The following CCDC171 variants were observed in gnomAD, a reference collection of about 807,000 sequenced individuals.
CCDC171 encodes the protein coiled-coil domain-containing protein 171.
In CCDC171, 177 loss-of-function variants were observed where a neutral mutation model predicts 168.2. The observed-to-expected ratio is 1.05, with a 90% CI of 0.93 to 1.19. The LOEUF (loss-of-function observed/expected upper bound fraction) is 1.19. Ranked by LOEUF, CCDC171 falls within the 50% of genes most tolerant of loss-of-function variation. The probability of loss-of-function intolerance (pLI) is 0.00; values close to 1 mark genes in which losing one functional copy is unlikely to be tolerated. For missense variants in CCDC171, 1,991 were observed against 1,539.0 expected (o/e 1.29, Z -4.91); for synonymous variants, 687 against 540.8 (o/e 1.27, Z -3.75).
chr9:15,668,275 A>G (rs1344980932), intron 9 of CCDC171, among the ~76,000 whole-genome samples: 3 of 152,174 alleles, frequency 2.0e-5, no homozygotes, highest in African/African-American at 2.4e-5. Context: ...GACTGGAGGA[A>G]TTTTAACCTA....
chr9:16,057,343 AG>A, intron 1 of CCDC171, among the ~76,000 whole-genome samples: 1 of 152,366 alleles, frequency 6.6e-6, no homozygotes, highest in South Asian at 2.1e-4. Context: ...TGGAGAAAAC[AG>A]TTTCTGATAA....
chr9:15,658,955 A>G (rs2048127385), intron 8 of CCDC171, among the ~76,000 whole-genome samples: 1 of 152,192 alleles, frequency 6.6e-6, no homozygotes, highest in African/African-American at 2.4e-5. Flanking sequence ...TTAGGTAACT[A>G]ATTTGCAGTG....
the CCDC171 span, among the ~76,000 whole-genome samples, chr9:16,107,511 ATATT>A: frequency 6.6e-6 from 1 of 152,084 alleles, no homozygotes; most frequent in Non-Finnish European, 1.5e-5. Flanking sequence ...ATATTTTACC[ATATT>A]TGCTTTACTG....
intron 24 of CCDC171, among the ~76,000 whole-genome samples, chr9:15,916,784 A>T (rs1473200436): frequency 6.6e-6 from 1 of 152,022 alleles, no homozygotes; most frequent in Non-Finnish European, 1.5e-5. Flanking sequence ...CCCTCGTCTT[A>T]TTACTGTCAA....
At chr9:15,621,328 A>ATATATAT (rs2044487216) in intron 6 of CCDC171, among the ~76,000 whole-genome samples, 2 of 152,214 alleles carry the variant, frequency 1.3e-5, no homozygotes, top group Non-Finnish European at 2.9e-5. Context: ...TTGCACACTT[A>ATATATAT]ATAGATTACA....
At position 15,622,216 on chromosome 9, in the gene CCDC171, A is replaced by G. The variant is rs149368325; in HGVS notation, c.676-1051A>G. Among the ~76,000 whole-genome samples the G allele has an allele frequency of 1.1e-3, 175 of 152,304 alleles. 1 individual carries two copies. The highest frequency in any genetic ancestry group is 3.9e-3 in the Admixed American group (60 of 15,300). The stretch of plus-strand genomic sequence containing the variant: ...GTACCTGGGTGATGAAATAATCTGT[A>G]CAACACATCCCTGTGACATGAGTTT... On this transcript the variant is annotated intron_variant, in intron 6 of 25. Transcript: ENST00000380701.
chr9:16,013,145 T>G (rs546284120), intron 3 of CCDC171, among the ~76,000 whole-genome samples: 1 of 152,340 alleles, frequency 6.6e-6, no homozygotes, highest in East Asian at 1.9e-4. Flanking sequence ...TATACTGTCT[T>G]TCCAGTATTC....
the CCDC171 span, among the ~76,000 whole-genome samples, chr9:16,087,761 G>A: frequency 6.6e-6 from 1 of 151,822 alleles, no homozygotes; most frequent in African/African-American, 2.4e-5. Flanking sequence ...GGTTAATATT[G>A]TTATGTATGG....
At chr9:16,054,533 C>A (rs956134084) in intron 1 of CCDC171, among the ~76,000 whole-genome samples, 2 of 152,182 alleles carry the variant, frequency 1.3e-5, no homozygotes, top group African/African-American at 4.8e-5. Context: ...CCCTGCCTTC[C>A]CCACTAGGAC....
chr9:15,596,419 T>C (rs2042363215), intron 6 of CCDC171, among the ~76,000 whole-genome samples: 1 of 152,198 alleles, frequency 6.6e-6, no homozygotes, highest in Non-Finnish European at 1.5e-5. Context: ...CCCCATTTCT[T>C]GTTTTTGTCA....
chr9:15,837,136 C>G (rs540635562), intron 21 of CCDC171, among the ~76,000 whole-genome samples: 1 of 152,216 alleles, frequency 6.6e-6, no homozygotes, highest in South Asian at 2.1e-4. Context: ...GAAAAAGATT[C>G]TTCCGTGTAT....
chr9:15,627,598 G>T (rs276440), intron 7 of CCDC171, among the ~76,000 whole-genome samples: 8,245 of 152,256 alleles, frequency 0.054, 271 homozygotes, highest in African/African-American at 0.088. Flanking sequence ...TCAGGAGCAG[G>T]TTGTTCAGTT....
chr9:15,578,019 T>G (rs811282), intron 3 of CCDC171, among the ~76,000 whole-genome samples: 9,269 of 152,206 alleles, frequency 0.061, 364 homozygotes, highest in African/African-American at 0.11. Flanking sequence ...TTCATTTAAA[T>G]CCCTGCAAAA....
chr9:15,554,172 G>A (rs1202383481), intron 1 of CCDC171, among the ~76,000 whole-genome samples: 1 of 152,040 alleles, frequency 6.6e-6, no homozygotes, highest in African/African-American at 2.4e-5. Flanking sequence ...GGCGCACGCC[G>A]CCACGCCCGG....
At chr9:15,866,254 C>G (rs2061780174) in intron 23 of CCDC171, among the ~76,000 whole-genome samples, 1 of 151,684 alleles carries the variant, frequency 6.6e-6, no homozygotes, top group Non-Finnish European at 1.5e-5. Context: ...AATTTGAGCT[C>G]TAGAGAGCAC....
In CCDC171 at chr9:16,054,504, G is replaced by C. The variant is rs188856992; in HGVS notation, n.90-6142G>C. ...TCCCATAAGCACCTTTGTTGTTGTT[G>C]TTCTCTAAAGATCCTCTCCCCTGCC... On this transcript the variant is annotated intron_variant and non_coding_transcript_variant, in intron 1 of 1. Coordinates refer to the CCDC171 transcript ENST00000478913. 6.6e-5 allele frequency among the ~76,000 whole-genome samples: 10 copies of C among 152,188 alleles called. 1 individual carries two copies. Among genetic ancestry groups the C allele is most frequent in the Admixed American group, 5.9e-4 (9 of 15,282 alleles).
At chr9:15,648,390 C>T (rs1029939151) in intron 7 of CCDC171, among the ~76,000 whole-genome samples, 8 of 152,152 alleles carry the variant, frequency 5.3e-5, no homozygotes, top group Non-Finnish European at 1.0e-4. Flanking sequence ...GTTGGAAGTT[C>T]TGGCCAGGGC....
intron 6 of CCDC171, among the ~76,000 whole-genome samples, chr9:15,599,805 C>G (rs2042686891): frequency 6.6e-6 from 1 of 152,196 alleles, no homozygotes; most frequent in African/African-American, 2.4e-5. Flanking sequence ...TAGATTTGGT[C>G]TTTTCACATA....
chr9:15,814,665 C>T (rs1368782912), intron 21 of CCDC171, among the ~76,000 whole-genome samples: 1 of 151,770 alleles, frequency 6.6e-6, no homozygotes, highest in African/African-American at 2.4e-5. Context: ...GTATGAAACA[C>T]ACTAGATATT....
Sources: gnomAD v4.1 joint callset for allele counts (sites outside exome capture counted in the v4.1 genomes callset) on GRCh38, gnomAD v4.1.1 for gene constraint, MANE v1.5 for transcripts, NCBI Gene and HGNC (gene_info 2026-07-23, HGNC 2026-07-21) for gene names.